Variants in LGSN observed in about 807,000 individuals in gnomAD.
LGSN encodes lengsin, lens protein with glutamine synthetase domain.
A neutral mutation model predicts 19.5 loss-of-function variants in LGSN; 21 were observed. The observed-to-expected ratio is 1.07, with a 90% CI of 0.76 to 1.55. LGSN has a LOEUF of 1.55. Ranked by LOEUF, LGSN falls within the 40% of genes most tolerant of loss-of-function variation. The probability of loss-of-function intolerance (pLI) is 0.00; values close to 1 mark genes in which losing one functional copy is unlikely to be tolerated. For synonymous variants in LGSN, 257 were observed against 215.6 expected, an observed-to-expected ratio of 1.19 and a Z score of -1.68; for missense variants, 673 against 608.5, an observed-to-expected ratio of 1.11 and a Z score of -1.12.
At chr6:63,557,677 T>C in the LGSN span, among the ~76,000 whole-genome samples, 1 of 152,154 alleles carries the variant, frequency 6.6e-6, no homozygotes, top group Non-Finnish European at 1.5e-5. Context: ...AAATGTGGCA[T>C]CTATGTTAGA....
At chr6:63,358,356 C>A in the LGSN span, among the ~76,000 whole-genome samples, 7 of 152,082 alleles carry the variant, frequency 4.6e-5, no homozygotes, top group African/African-American at 1.2e-4. Context: ...GTAGTTTTTC[C>A]AATTCTGTGA....
At chr6:63,442,062 A>T in the LGSN span, among the ~76,000 whole-genome samples, 1 of 152,104 alleles carries the variant, frequency 6.6e-6, no homozygotes, top group African/African-American at 2.4e-5. Context: ...TTAAGAAGTG[A>T]GGCGCAGACC....
At chr6:63,569,411 C>T in the LGSN span, among the ~76,000 whole-genome samples, 2 of 152,138 alleles carry the variant, frequency 1.3e-5, no homozygotes, top group South Asian at 4.1e-4. Context: ...TGCCTGCCAC[C>T]ATGCCCAGCT....
intron 2 of LGSN, among the ~76,000 whole-genome samples, chr6:63,286,060 T>A (rs1164606058): frequency 1.3e-5 from 2 of 152,216 alleles, no homozygotes; most frequent in Non-Finnish European, 2.9e-5. Flanking sequence ...CTTATGGAAA[T>A]TAGAACATAT....
At chr6:63,435,975 T>C in the LGSN span, among the ~76,000 whole-genome samples, 1 of 151,640 alleles carries the variant, frequency 6.6e-6, no homozygotes, top group Non-Finnish European at 1.5e-5. Context: ...ATCTCTGTCC[T>C]CTGGCTCACT....
At chr6:63,423,473 CAA>C in the LGSN span, among the ~76,000 whole-genome samples, 37 of 126,666 alleles carry the variant, frequency 2.9e-4, no homozygotes, top group African/African-American at 4.6e-4. Flanking sequence ...CTGTCTCTAC[CAA>C]AAAAAAAAAA....
chr6:63,479,151 T>C, the LGSN span, among the ~76,000 whole-genome samples: 1 of 152,168 alleles, frequency 6.6e-6, no homozygotes, highest in African/African-American at 2.4e-5. Flanking sequence ...AATCACTGCA[T>C]CAAGGGAGAT....
chr6:63,469,667 AT>A, the LGSN span, among the ~76,000 whole-genome samples: 1 of 152,186 alleles, frequency 6.6e-6, no homozygotes, highest in Admixed American at 6.5e-5. Context: ...ATTTCCTTAT[AT>A]TTGATTTCCA....
the LGSN span, among the ~76,000 whole-genome samples, chr6:63,492,258 A>G: frequency 6.6e-6 from 1 of 152,212 alleles, no homozygotes; most frequent in Non-Finnish European, 1.5e-5. Flanking sequence ...AGAAAGGCTA[A>G]TAAGTTCAAA....
chr6:63,514,825 C>T, the LGSN span, among the ~76,000 whole-genome samples: 2 of 152,076 alleles, frequency 1.3e-5, no homozygotes, highest in Non-Finnish European at 2.9e-5. Context: ...TTCAGCCTTC[C>T]TAGTAGCTGG....
chr6:63,512,544 G>GAATT, the LGSN span, among the ~76,000 whole-genome samples: 1 of 152,154 alleles, frequency 6.6e-6, no homozygotes, highest in African/African-American at 2.4e-5. Context: ...AGTCCCCACA[G>GAATT]AATTAGCTCC....
chr6:63,338,290 G>A, the LGSN span, among the ~76,000 whole-genome samples: 5 of 152,124 alleles, frequency 3.3e-5, no homozygotes, highest in African/African-American at 4.8e-5. Flanking sequence ...ACATCACCAC[G>A]ATTGAGATCA....
intron 1 of LGSN, among the ~76,000 whole-genome samples, chr6:63,314,709 A>G (rs1054988095): frequency 6.6e-6 from 1 of 152,204 alleles, no homozygotes; most frequent in Non-Finnish European, 1.5e-5. Flanking sequence ...CCTTTAGGGT[A>G]AGAAGTGTTC....
At chr6:63,454,620 C>T in the LGSN span, among the ~76,000 whole-genome samples, 254 of 150,834 alleles carry the variant, frequency 1.7e-3, no homozygotes, top group African/African-American at 2.6e-3. Context: ...TACAGGCGCC[C>T]GCCACCATCC....
Position 63,315,923 on chromosome 6 carries a change from A to C in LGSN, c.30+3991T>G, listed in dbSNP as rs537594435. ...CAAGTGAGAGTTCAATAGTATCTCT[A>C]TCTTTTGAAGTAAAACAAAGCACAG... On this transcript the variant is annotated intron_variant, in intron 1 of 3. Transcript: ENST00000370657. Among the ~76,000 whole-genome samples, 176 of 152,032 alleles carry C rather than the reference A, an allele frequency of 1.2e-3. 2 individuals are homozygous for C. The highest frequency in any genetic ancestry group is 2.4e-3 in the Non-Finnish European group (160 of 67,952).
the LGSN span, among the ~76,000 whole-genome samples, chr6:63,484,378 C>T: frequency 4.8e-3 from 725 of 151,904 alleles, 4 homozygotes; most frequent in Non-Finnish European, 7.6e-3. Context: ...TAAAAATAAC[C>T]GAGTGTGGTG....
At chr6:63,560,428 G>A in the LGSN span, among the ~76,000 whole-genome samples, 1 of 145,220 alleles carries the variant, frequency 6.9e-6, no homozygotes. Context: ...TTGAGACAGA[G>A]TCTCATTCTG....
chr6:63,429,326 G>A, the LGSN span, among the ~76,000 whole-genome samples: 3 of 152,078 alleles, frequency 2.0e-5, no homozygotes, highest in Non-Finnish European at 4.4e-5. Flanking sequence ...TTTTTAATAA[G>A]AGATTTTATT....
the LGSN span, among the ~76,000 whole-genome samples, chr6:63,498,267 G>A: frequency 1.3e-5 from 2 of 151,912 alleles, no homozygotes; most frequent in Admixed American, 1.3e-4. Flanking sequence ...AAGTTTTAAT[G>A]ATTTGCCAAA....
Sources: gnomAD v4.1 joint callset for allele counts (sites outside exome capture counted in the v4.1 genomes callset) on GRCh38, gnomAD v4.1.1 for gene constraint, MANE v1.5 for transcripts, NCBI Gene and HGNC (gene_info 2026-07-23, HGNC 2026-07-21) for gene names.